CD86: variants seen among roughly 807,000 people sequenced by gnomAD.
CD86 encodes the protein CD86 molecule, also known as T-lymphocyte activation antigen CD86.
A neutral mutation model predicts 32.1 loss-of-function variants in CD86; 11 were observed. The observed-to-expected ratio is 0.34, with a 90% CI of 0.22 to 0.57. The LOEUF (loss-of-function observed/expected upper bound fraction) is 0.57. Ranked by LOEUF, CD86 falls within the 20% of genes least tolerant of loss-of-function variation. The pLI is 0.86. For synonymous variants in CD86, 137 were observed against 135.3 expected (o/e 1.01, Z -0.09); for missense variants, 359 against 398.4 (o/e 0.90, Z 0.84).
At chr3:122,069,758 C>T (rs1054516393) in intron 1 of CD86, among the ~76,000 whole-genome samples, 1 of 152,064 alleles carries the variant, frequency 6.6e-6, no homozygotes, top group Non-Finnish European at 1.5e-5. Flanking sequence ...AGGCATGCCC[C>T]AGAACACCGC....
At chr3:122,078,387 A>G (rs1213158252) in intron 1 of CD86, among the ~76,000 whole-genome samples, 4 of 152,172 alleles carry the variant, frequency 2.6e-5, no homozygotes, top group Non-Finnish European at 5.9e-5. Flanking sequence ...TCTGCTCTAG[A>G]AGAAGCAGTC....
At chr3:122,098,437 G>A (rs1576778221) in intron 2 of CD86, among the ~76,000 whole-genome samples, 1 of 152,108 alleles carries the variant, frequency 6.6e-6, no homozygotes, top group Non-Finnish European at 1.5e-5. Context: ...CAGTGTGGCT[G>A]GGGAGAGTAA....
At chr3:122,095,121 G>C (rs964988578) in intron 2 of CD86, among the ~76,000 whole-genome samples, 1 of 151,102 alleles carries the variant, frequency 6.6e-6, no homozygotes, top group Non-Finnish European at 1.5e-5. Flanking sequence ...AACACCTCTA[G>C]TTAATTTCAT....
At position 122,106,227 on chromosome 3, in the gene CD86, A is replaced by C; in HGVS notation, c.430A>C (p.Ile144Leu). ...CTTCAGTCAACCTGAAATAGTACCA[A>C]TTTCTAATATAACAGAAAATGTGTA... is the stretch of plus-strand genomic sequence containing the variant. Reference protein sequence around the residue: ...ANFSQPEIVPISNITENVYIN... With the variant: ...ANFSQPEIVPLSNITENVYIN... Residue 144 changes from isoleucine (I) to leucine (L), a missense_variant, in exon 4 of 7, where the codon ATT (isoleucine) becomes CTT (leucine). Physicochemically the swap from Ile to Leu is conservative, Grantham distance 5 (BLOSUM62 2). Transcript: ENST00000330540. 6.2e-7 allele frequency: 1 copy of C among 1,608,984 alleles called. No individual in the cohort carries two copies. The highest frequency in any genetic ancestry group is 8.5e-7 in the Non-Finnish European group (1 of 1,177,994).
intron 1 of CD86, among the ~76,000 whole-genome samples, chr3:122,071,732 T>G (rs540657281): frequency 6.6e-6 from 1 of 152,108 alleles, no homozygotes; most frequent in Non-Finnish European, 1.5e-5. Flanking sequence ...TTCTTTATTT[T>G]TTTTTTATTA....
chr3:122,073,755 T>C (rs1371709944), intron 1 of CD86, among the ~76,000 whole-genome samples: 1 of 152,134 alleles, frequency 6.6e-6, no homozygotes, highest in Non-Finnish European at 1.5e-5. Flanking sequence ...TTAAGAATAA[T>C]TCAGGAACTG....
intron 1 of CD86, among the ~76,000 whole-genome samples, chr3:122,065,425 A>C (rs2072399435): frequency 6.6e-6 from 1 of 152,256 alleles, no homozygotes; most frequent in Non-Finnish European, 1.5e-5. Context: ...AATCATAATT[A>C]ATTGCCAATA....
chr3:122,084,580 C>T (rs941588063), intron 1 of CD86, among the ~76,000 whole-genome samples: 1 of 152,104 alleles, frequency 6.6e-6, no homozygotes, highest in Non-Finnish European at 1.5e-5. Flanking sequence ...TGTCTGGTGG[C>T]TTGGCAGGGA....
chr3:122,076,125 CT>C lies in CD86; in HGVS notation c.15-15475del, dbSNP rs575221502. ...TGTTTATGGAAAATGATACTGCTTTCTAATTTAGTATTAACACAAAGATTTT... is the reference window on the plus strand; with the variant it reads ...TGTTTATGGAAAATGATACTGCTTTCAATTTAGTATTAACACAAAGATTTT... On this transcript the variant is annotated intron_variant, in intron 1 of 6. Transcript: ENST00000330540. Among the ~76,000 whole-genome samples the C allele has an allele frequency of 8.9e-4, 136 of 152,216 alleles. 1 individual carries two copies. Among genetic ancestry groups the C allele is most frequent in the African/African-American group, 3.0e-3 (123 of 41,522 alleles).
At chr3:122,111,354 C>G (rs1272477409) in intron 5 of CD86, among the ~76,000 whole-genome samples, 2 of 152,182 alleles carry the variant, frequency 1.3e-5, no homozygotes, top group African/African-American at 2.4e-5. Context: ...TAATGCCCCC[C>G]ACAAGACGTC....
chr3:122,071,265 C>T (rs1294217810), intron 1 of CD86, among the ~76,000 whole-genome samples: 2 of 152,190 alleles, frequency 1.3e-5, no homozygotes, highest in East Asian at 3.8e-4. Context: ...TAAGAATCCC[C>T]TGTGCTCTGC....
chr3:122,084,571 G>A (rs1181969556), intron 1 of CD86, among the ~76,000 whole-genome samples: 2 of 152,156 alleles, frequency 1.3e-5, no homozygotes, highest in South Asian at 2.1e-4. Context: ...TTATTCATAT[G>A]TCTGGTGGCT....
intron 5 of CD86, among the ~76,000 whole-genome samples, chr3:122,115,930 A>G (rs1005328130): frequency 4.2e-4 from 64 of 152,260 alleles, no homozygotes; most frequent in African/African-American, 1.5e-3. Context: ...AATTCCATGC[A>G]GAAAGGATAG....
intron 1 of CD86, among the ~76,000 whole-genome samples, chr3:122,076,628 G>A (rs976832903): frequency 1.3e-5 from 2 of 152,196 alleles, no homozygotes; most frequent in Admixed American, 6.5e-5. Context: ...GGTGAAAGGT[G>A]AAGGGTTTTA....
chr3:122,106,596 C>G, intron 4 of CD86, 96 bp downstream of exon 4: 1 of 1,080,822 alleles, frequency 9.3e-7, no homozygotes, highest in Non-Finnish European at 1.3e-6. Flanking sequence ...AGGAAACCTC[C>G]AACTGGGCCA....
intron 1 of CD86, among the ~76,000 whole-genome samples, chr3:122,056,255 G>C (rs368237322): frequency 1.8e-4 from 28 of 152,276 alleles, no homozygotes; most frequent in African/African-American, 6.7e-4. Context: ...TCTCCATGCT[G>C]TGGAGACTTC....
intron 1 of CD86, among the ~76,000 whole-genome samples, chr3:122,088,147 C>T (rs913997083): frequency 6.7e-6 from 1 of 149,856 alleles, no homozygotes; most frequent in Non-Finnish European, 1.5e-5. Context: ...TGAGCGATTC[C>T]CATATTAGGT....
intron 2 of CD86, among the ~76,000 whole-genome samples, chr3:122,101,373 C>T (rs976631689): frequency 1.3e-5 from 2 of 151,042 alleles, no homozygotes; most frequent in African/African-American, 2.4e-5. Flanking sequence ...AGGGAGCACT[C>T]GATGAGTGGA....
At chr3:122,055,609 A>G in intron 1 of CD86, 106 bp downstream of exon 1, 1 of 1,018,686 alleles carries the variant, frequency 9.8e-7, no homozygotes, top group Non-Finnish European at 1.5e-6. Flanking sequence ...CTTAGTTCCT[A>G]AGTGGAGAAG....
Sources: gnomAD v4.1 joint callset for allele counts (sites outside exome capture counted in the v4.1 genomes callset) on GRCh38, gnomAD v4.1.1 for gene constraint, MANE v1.5 for transcripts, NCBI Gene and HGNC (gene_info 2026-07-23, HGNC 2026-07-21) for gene names.